The following AGBL5 variants were observed in gnomAD, a reference collection of about 807,000 sequenced individuals.
AGBL5 encodes the protein cytosolic carboxypeptidase-like protein 5.
A neutral mutation model predicts 88.0 loss-of-function variants in AGBL5; 51 were observed. The observed-to-expected ratio is 0.58, with a 90% CI of 0.46 to 0.73. The LOEUF is 0.73. AGBL5 is among the 30% of genes least tolerant of loss of function. The probability of loss-of-function intolerance (pLI) is 0.00; values close to 1 mark genes in which losing one functional copy is unlikely to be tolerated. For missense variants in AGBL5, 1,031 were observed against 1,162.2 expected (o/e 0.89, Z 1.64); for synonymous variants, 446 against 438.8 (o/e 1.02, Z -0.21).
chr2:27,059,370 A>G lies in AGBL5; in HGVS notation c.2055A>G (p.Gln685=). ...AGLPGLGSST[Q]KVTHRVLGPV... ...TGCCAGGCCTGGGCTCTAGTACCCA[A>G]AAGGTCACCCACCGGGTGCTGGGCC... is the stretch of plus-strand genomic sequence containing the variant. Residue 685 remains glutamine (Q), a synonymous_variant, in exon 11 of 15, where the codon CAA becomes CAG. Coordinates refer to ENST00000360131, the MANE Select transcript of AGBL5 (RefSeq NM_021831.6). The G allele has an allele frequency of 6.2e-7, 1 of 1,614,198 alleles. No individual in the cohort carries two copies. The highest frequency in any genetic ancestry group is 8.5e-7 in the Non-Finnish European group (1 of 1,180,038).
intron 11 of AGBL5, among the ~76,000 whole-genome samples, chr2:27,065,930 T>C (rs1170249666): frequency 6.6e-6 from 1 of 152,142 alleles, no homozygotes; most frequent in East Asian, 1.9e-4. Context: ...GGGCAAGGCT[T>C]TGAATGTGTA....
chr2:27,067,357 T>C, intron 11 of AGBL5, 137 bp from the exon 12 acceptor site: 1 of 757,700 alleles, frequency 1.3e-6, no homozygotes, highest in Non-Finnish European at 2.2e-6. Flanking sequence ...AATAGTTACT[T>C]CAGGAGAGGG....
intron 13 of AGBL5, 175 bp downstream of exon 13, chr2:27,068,919 C>A: frequency 8.7e-6 from 13 of 1,495,552 alleles, no homozygotes; most frequent in Non-Finnish European, 1.2e-5. Context: ...TCCTGCCCTC[C>A]ACCATCCCCA....
chr2:27,062,321 T>C (rs559061206), intron 11 of AGBL5: 3 of 151,314 alleles, frequency 2.0e-5, no homozygotes, highest in Non-Finnish European at 2.9e-5. Context: ...AGACGGGGTT[T>C]CTCCATGTCG....
At position 27,053,562 on chromosome 2, in the gene AGBL5, C is replaced by T; in HGVS notation, c.376C>T (p.Pro126Ser). The change falls in exon 3 of 15, where the codon CCC becomes TCC. Residue 126 changes from proline to serine, a missense_variant. Transcript: ENST00000360131. This position sits in a 1 kb window ranked among gnomAD's most constrained non-coding sequence, Gnocchi z 4.9. ...ACGCTGGGAACGCATTCGAGACCGG[C>T]CCACCTTTGAGGTAAGTTCTCCATG... ...RPRWERIRDRPTFEMTETQFV... is the reference protein window; with the variant it reads ...RPRWERIRDRSTFEMTETQFV... 2 of 1,612,660 alleles carry T rather than the reference C, an allele frequency of 1.2e-6. No homozygotes were observed. Among genetic ancestry groups the T allele is most frequent in the Non-Finnish European group, 1.7e-6 (2 of 1,179,418 alleles).
At position 27,060,859 on chromosome 2, in the gene AGBL5, A is replaced by G. The variant is rs139584935; in HGVS notation, c.2089+1455A>G. Reference sequence around the variant, plus strand: ...TACATAGCATTTAACAGTGAACAAGATAATATCATATATATAAATTTCATT... The same window carrying G: ...TACATAGCATTTAACAGTGAACAAGGTAATATCATATATATAAATTTCATT... On this transcript the variant is annotated intron_variant, in intron 11 of 14. Transcript: ENST00000360131. Among the ~76,000 whole-genome samples the G allele has an allele frequency of 8.4e-4, 128 of 152,360 alleles. 1 individual carries two copies. Among genetic ancestry groups the G allele is most frequent in the African/African-American group, 3.0e-3 (124 of 41,586 alleles).
chr2:27,051,096 A>G (rs905732662), upstream of AGBL5: 3 of 152,244 alleles, frequency 2.0e-5, no homozygotes, highest in Non-Finnish European at 4.4e-5. Flanking sequence ...AGAATCTTGC[A>G]CATGGATGCC....
Position 27,069,331 on chromosome 2 carries a change from C to T in AGBL5, c.2356-242C>T, listed in dbSNP as rs191245486. ...GACCTTAGTCATGGTGTAGCCATGG[C>T]GGTTAAATGCTGGATCCGTTTGCCA... On this transcript the variant is annotated intron_variant, in intron 13 of 14. Transcript: ENST00000360131. 1.1e-4 allele frequency: 110 copies of T among 985,378 alleles called. No individual in the cohort carries two copies. The African/African-American group carries it at 1.6e-3, about 15-fold the overall frequency. The allele number at this position is 985,378 out of a possible 1,614,324, so 61.0% of individuals were successfully genotyped here. A position where few individuals can be genotyped will look rare whatever the true frequency, so the allele number is the denominator to read the frequency against.
At chr2:27,055,582 T>C in intron 6 of AGBL5, 100 bp from the exon 7 acceptor site, 1 of 1,111,534 alleles carries the variant, frequency 9.0e-7, no homozygotes, top group East Asian at 2.4e-5. Context: ...AGCCTCTCAT[T>C]TGATAAGTCA....
At chr2:27,058,280 T>G (rs1301421605) in intron 9 of AGBL5, 120 bp from the exon 10 acceptor site, 1 of 1,151,248 alleles carries the variant, frequency 8.7e-7, no homozygotes, top group East Asian at 2.4e-5. Flanking sequence ...GGTTAGGGCA[T>G]CCAATGAGCA....
chr2:27,051,825 C>G (rs1255942868), intron 1 of AGBL5, 32 bp downstream of exon 1: 1 of 151,782 alleles, frequency 6.6e-6, no homozygotes, highest in Non-Finnish European at 1.5e-5. Flanking sequence ...ACGGGCCCCG[C>G]CAGCCCCGGC....
upstream of AGBL5, chr2:27,050,880 T>C (rs1338198595): frequency 3.9e-5 from 6 of 152,360 alleles, no homozygotes; most frequent in South Asian, 4.1e-4. Flanking sequence ...ACTTCGTCTG[T>C]AATTTTTAAC....
At position 27,054,073 on chromosome 2, in the gene AGBL5, T is replaced by A; in HGVS notation, c.551+14T>A. 6.2e-7 allele frequency: 1 copy of A among 1,604,346 alleles called. No individual in the cohort carries two copies. The highest frequency in any genetic ancestry group is 1.3e-5 in the African/African-American group (1 of 74,812). On this transcript the variant is annotated intron_variant, in intron 4 of 14. Transcript: ENST00000360131. ...TACCCATAGCAGGTGCCAGCCCCAT[T>A]CTTACTCCTGCCACACAGTCCTGGA...
At chr2:27,058,675 G>A in intron 10 of AGBL5, 73 bp downstream of exon 10, 2 of 1,492,000 alleles carry the variant, frequency 1.3e-6, no homozygotes, top group Non-Finnish European at 1.8e-6. Flanking sequence ...AGTTCCAAGG[G>A]ATTTATATTC....
In AGBL5 at chr2:27,062,028, G is replaced by A. The variant is rs1195342771; in HGVS notation, c.2089+2624G>A. On this transcript the variant is annotated intron_variant, in intron 11 of 14. Coordinates refer to ENST00000360131, the MANE Select transcript of AGBL5 (RefSeq NM_021831.6). ...AAGATTTCACTATGTTCGCTAGGCTGGTCTTGAACTCCTGACCTCAGGCGG... is the reference window on the plus strand; with the variant it reads ...AAGATTTCACTATGTTCGCTAGGCTAGTCTTGAACTCCTGACCTCAGGCGG... 2.0e-5 allele frequency among the ~76,000 whole-genome samples: 3 copies of A among 151,632 alleles called. No individual in the cohort carries two copies. The East Asian group carries it at 5.8e-4, about 29-fold the overall frequency.
chr2:27,057,187 C>T (rs1009000368), intron 8 of AGBL5, 116 bp from the exon 9 acceptor site: 2 of 1,193,754 alleles, frequency 1.7e-6, no homozygotes, highest in Admixed American at 4.6e-5. Context: ...TTAGCACTTT[C>T]ATTTGTGTTC....
In AGBL5 at chr2:27,053,977, T is replaced by A; in HGVS notation, c.469T>A (p.Tyr157Asn). ...GGCCACCACCTTCTTCGCCTTCTGC[T>A]ACCCCTTCTCCTACAGTGACTGCCA... is the stretch of plus-strand genomic sequence containing the variant. ...RGATTFFAFC[Y>N]PFSYSDCQEL... Residue 157 changes from tyrosine (Y) to asparagine (N), a missense_variant, in exon 4 of 15, where the codon TAC becomes AAC. Tyr to Asn is a moderately radical substitution (Grantham distance 143). Coordinates refer to ENST00000360131, the MANE Select transcript of AGBL5 (RefSeq NM_021831.6). The surrounding 1 kb of genome is among the most constrained non-coding windows in gnomAD (Gnocchi z 4.9). 1 of 1,614,172 alleles carries A rather than the reference T, an allele frequency of 6.2e-7. No individual in the cohort carries two copies. The highest frequency in any genetic ancestry group is 8.5e-7 in the Non-Finnish European group (1 of 1,180,014).
At chr2:27,062,052 G>A (rs563953493) in intron 11 of AGBL5, among the ~76,000 whole-genome samples, 8 of 151,046 alleles carry the variant, frequency 5.3e-5, no homozygotes, top group Admixed American at 1.3e-4. Flanking sequence ...GACCTCAGGC[G>A]GATTCACCCG....
intron 12 of AGBL5, 90 bp downstream of exon 12, chr2:27,067,736 A>T (rs79934267): frequency 1.2e-5 from 16 of 1,389,300 alleles, no homozygotes; most frequent in Non-Finnish European, 1.4e-5. Context: ...GACCAGGGGC[A>T]TCACTTATCC....
Sources: allele counts gnomAD v4.1 joint callset (sites outside exome capture counted in the v4.1 genomes callset), GRCh38; gene constraint gnomAD v4.1.1; non-coding constraint Gnocchi (gnomAD v3.1); transcripts MANE v1.5; gene names NCBI Gene and HGNC (gene_info 2026-07-23, HGNC 2026-07-21).